The following GPR89B variants were observed in gnomAD, a reference collection of about 807,000 sequenced individuals.
GPR89B encodes the protein golgi pH regulator B.
Under a neutral mutation model 52.4 loss-of-function variants are expected in GPR89B, and 25 were observed. The observed-to-expected ratio is 0.48, with a 90% confidence interval of 0.35 to 0.67. The LOEUF (loss-of-function observed/expected upper bound fraction) is 0.67. GPR89B is among the 30% of genes least tolerant of loss of function. The pLI is 0.01. For synonymous variants in GPR89B, 52 were observed against 151.2 expected, an observed-to-expected ratio of 0.34 and a Z score of 4.81; for missense variants, 146 against 450.2, an observed-to-expected ratio of 0.32 and a Z score of 6.11.
At chr1:147,984,313 AACTT>A (rs1449666275) in intron 10 of GPR89B, among the ~76,000 whole-genome samples, 4 of 151,110 alleles carry the variant, frequency 2.6e-5, no homozygotes, top group African/African-American at 9.7e-5. Context: ...TGTACCCTAA[AACTT>A]AAAGTATAAT....
the GPR89B span, among the ~76,000 whole-genome samples, chr1:148,015,292 G>GCTCTCTCTCT: frequency 2.0e-5 from 1 of 50,972 alleles, no homozygotes; most frequent in Admixed American, 2.3e-4. Context: ...AGGATTCTAG[G>GCTCTCTCTCT]ATCTCTCTCT....
At chr1:147,950,343 G>A (rs1189447319) in intron 5 of GPR89B, among the ~76,000 whole-genome samples, 2 of 151,086 alleles carry the variant, frequency 1.3e-5, no homozygotes, top group Admixed American at 6.6e-5. Context: ...ATGGGCGGCC[G>A]GGCAGAGACG....
the GPR89B span, among the ~76,000 whole-genome samples, chr1:148,018,516 GACTA>G: frequency 3.3e-5 from 5 of 151,250 alleles, no homozygotes; most frequent in East Asian, 5.8e-4. Flanking sequence ...GTGGGAATGA[GACTA>G]ACTATGCCCA....
chr1:147,950,825 C>A (rs201274328), intron 5 of GPR89B, among the ~76,000 whole-genome samples: 5 of 151,298 alleles, frequency 3.3e-5, no homozygotes, highest in East Asian at 2.0e-4. Flanking sequence ...CGCAGGCACT[C>A]GGCAGGCTGA....
At chr1:147,929,178 C>T (rs1286330390) in intron 1 of GPR89B, 1 of 151,078 alleles carries the variant, frequency 6.6e-6, no homozygotes, top group Non-Finnish European at 1.5e-5. Flanking sequence ...GTTTTTCTGA[C>T]CCTCATTTCT....
At chr1:147,986,137 C>A in intron 10 of GPR89B, 62 bp from the exon 11 acceptor site, 3 of 1,609,964 alleles carry the variant, frequency 1.9e-6, no homozygotes, top group South Asian at 1.1e-5. Context: ...TAGTTTCAGT[C>A]ACTTTTTGAA....
the GPR89B span, chr1:148,005,646 C>CTA: frequency 1.0e-6 from 1 of 996,836 alleles, no homozygotes. Context: ...TGTCCCTAGT[C>CTA]TAAGAACATG....
At chr1:147,979,984 G>A (rs1658117952) in intron 10 of GPR89B, among the ~76,000 whole-genome samples, 1 of 151,320 alleles carries the variant, frequency 6.6e-6, no homozygotes, top group South Asian at 2.1e-4. Context: ...TACTCAGGAG[G>A]CTATGGTGGG....
At chr1:147,937,479 G>A (rs587638222) in intron 2 of GPR89B, among the ~76,000 whole-genome samples, 4 of 152,246 alleles carry the variant, frequency 2.6e-5, no homozygotes, top group African/African-American at 9.6e-5. Flanking sequence ...CCCAATCCTA[G>A]TAAGTCTGAG....
intron 10 of GPR89B, among the ~76,000 whole-genome samples, chr1:147,972,096 C>G (rs1411261711): frequency 4.0e-5 from 6 of 151,328 alleles, no homozygotes; most frequent in African/African-American, 1.5e-4. Flanking sequence ...TTCTGTCTGG[C>G]TTATTTTACT....
chr1:147,990,496 T>C (rs28848617), intron 12 of GPR89B, among the ~76,000 whole-genome samples: 13,044 of 152,118 alleles, frequency 0.086, 1,109 homozygotes, highest in African/African-American at 0.22. Context: ...CCATTGCTTT[T>C]GGTGTTTTAG....
At chr1:147,933,197 A>T (rs1224533497) in intron 1 of GPR89B, among the ~76,000 whole-genome samples, 1 of 150,104 alleles carries the variant, frequency 6.7e-6, no homozygotes, top group Non-Finnish European at 1.5e-5. Context: ...CCTTTATTCC[A>T]CATTCTTCTC....
At chr1:148,020,824 A>C in the GPR89B span, among the ~76,000 whole-genome samples, 5 of 151,722 alleles carry the variant, frequency 3.3e-5, no homozygotes, top group Non-Finnish European at 5.9e-5. Context: ...GGTAGCTGCG[A>C]TTACAGGCAC....
chr1:147,982,781 T>C (rs1460717174), intron 10 of GPR89B, among the ~76,000 whole-genome samples: 9 of 150,700 alleles, frequency 6.0e-5, no homozygotes, highest in Non-Finnish European at 1.3e-4. Context: ...ACCATGAGCA[T>C]GGAATGTTCT....
chr1:147,959,987 G>A (rs1163233874), intron 7 of GPR89B, among the ~76,000 whole-genome samples: 1 of 148,768 alleles, frequency 6.7e-6, no homozygotes, highest in Non-Finnish European at 1.5e-5. Flanking sequence ...GATCCACAGA[G>A]AGGATAAGCC....
At chr1:148,002,123 C>T in the GPR89B span, among the ~76,000 whole-genome samples, 2 of 149,876 alleles carry the variant, frequency 1.3e-5, no homozygotes, top group Middle Eastern at 3.4e-3. Context: ...TCATAGATCT[C>T]TCAACTGTAA....
chr1:147,996,548 C>T, downstream of GPR89B: 1 of 1,599,890 alleles, frequency 6.3e-7, no homozygotes, highest in Non-Finnish European at 8.5e-7. Context: ...GCCTGGCAGA[C>T]CCCGAATCGC....
chr1:147,978,092 C>T (rs1657972181), intron 10 of GPR89B, among the ~76,000 whole-genome samples: 1 of 150,420 alleles, frequency 6.6e-6, no homozygotes, highest in South Asian at 2.1e-4. Flanking sequence ...GAGTTGTCAC[C>T]GTTTTTGTGT....
intron 8 of GPR89B, chr1:147,968,412 G>A: frequency 4.4e-6 from 2 of 454,396 alleles, no homozygotes; most frequent in South Asian, 3.1e-5. Context: ...AGAAGATAAT[G>A]TTTGAAAAGA....
Sources: gnomAD v4.1 joint callset for allele counts (sites outside exome capture counted in the v4.1 genomes callset) on GRCh38, gnomAD v4.1.1 for gene constraint, MANE v1.5 for transcripts, NCBI Gene and HGNC (gene_info 2026-07-23, HGNC 2026-07-21) for gene names.